Variants in RAD51B observed in about 807,000 individuals in gnomAD.
The protein encoded by RAD51B is DNA repair protein RAD51 homolog 2.
In RAD51B, 38 loss-of-function variants were observed where a neutral mutation model predicts 42.2. The observed-to-expected ratio is 0.90, with a 90% CI of 0.70 to 1.18. The LOEUF is 1.18. RAD51B is among the 50% of genes most tolerant of loss of function. RAD51B has a pLI of 0.00. For missense variants in RAD51B, 373 were observed against 400.7 expected (o/e 0.93, Z 0.59); for synonymous variants, 154 against 145.2 (o/e 1.06, Z -0.43).
intron 11 of RAD51B, among the ~76,000 whole-genome samples, chr14:68,661,771 G>A (rs1178613606): frequency 1.3e-5 from 2 of 152,064 alleles, no homozygotes; most frequent in Admixed American, 6.5e-5. Flanking sequence ...CCCTGGGTGC[G>A]AACATCTCTA....
intron 7 of RAD51B, among the ~76,000 whole-genome samples, chr14:68,200,541 T>G (rs1388047305): frequency 6.6e-6 from 1 of 152,230 alleles, no homozygotes; most frequent in Non-Finnish European, 1.5e-5. Context: ...CTTAATATCC[T>G]CAGAGACCCT....
intron 10 of RAD51B, among the ~76,000 whole-genome samples, chr14:68,566,647 C>T (rs184903256): frequency 3.0e-4 from 46 of 152,300 alleles, no homozygotes; most frequent in African/African-American, 1.0e-3. Context: ...ACCTACCAAG[C>T]TGGGAGAAAC....
chr14:68,157,288 C>A (rs1205089027), intron 7 of RAD51B, among the ~76,000 whole-genome samples: 1 of 152,126 alleles, frequency 6.6e-6, no homozygotes, highest in Non-Finnish European at 1.5e-5. Flanking sequence ...TAAAAGAGTG[C>A]TATTAAAAGT....
At chr14:67,963,953 C>G (rs889195566) in intron 7 of RAD51B, among the ~76,000 whole-genome samples, 1 of 151,668 alleles carries the variant, frequency 6.6e-6, no homozygotes, top group Admixed American at 6.6e-5. Flanking sequence ...ATTTGCCTAA[C>G]TTTTATACAT....
chr14:67,868,498 G>A (rs527815430), intron 5 of RAD51B, among the ~76,000 whole-genome samples: 2 of 152,356 alleles, frequency 1.3e-5, no homozygotes, highest in Non-Finnish European at 2.9e-5. Flanking sequence ...AGGCGGCAGC[G>A]AGGCTCAGGG....
intron 7 of RAD51B, among the ~76,000 whole-genome samples, chr14:68,285,975 A>G (rs973698944): frequency 2.0e-5 from 3 of 152,358 alleles, no homozygotes; most frequent in Admixed American, 2.0e-4. Flanking sequence ...GGTATTTATT[A>G]GCAGAGTCTG....
chr14:68,301,430 T>C (rs1330511158), intron 8 of RAD51B, among the ~76,000 whole-genome samples: 3 of 152,000 alleles, frequency 2.0e-5, no homozygotes, highest in Admixed American at 6.6e-5. Context: ...AAGGGGTGGA[T>C]CCAAGGCCAG....
At chr14:68,663,349 G>T (rs1375609436) in intron 11 of RAD51B, among the ~76,000 whole-genome samples, 1 of 151,930 alleles carries the variant, frequency 6.6e-6, no homozygotes, top group Non-Finnish European at 1.5e-5. Flanking sequence ...GTGGGACAAG[G>T]TCAAGATATT....
chr14:68,181,528 A>G (rs889307732), intron 7 of RAD51B, among the ~76,000 whole-genome samples: 1 of 152,158 alleles, frequency 6.6e-6, no homozygotes, highest in Non-Finnish European at 1.5e-5. Flanking sequence ...AATTGGAGAT[A>G]TTTGTGGTGT....
chr14:68,607,811 G>C (rs1456540914), intron 10 of RAD51B, among the ~76,000 whole-genome samples: 5 of 152,186 alleles, frequency 3.3e-5, no homozygotes, highest in Admixed American at 3.3e-4. Context: ...TGGGGAGGAA[G>C]ACAGGGGCTG....
chr14:68,158,488 CAACT>C (rs1208225395), intron 7 of RAD51B, among the ~76,000 whole-genome samples: 1 of 152,156 alleles, frequency 6.6e-6, no homozygotes, highest in Non-Finnish European at 1.5e-5. Context: ...TAAGCTGAAC[CAACT>C]AAAGAGTGGC....
At chr14:68,233,791 G>A (rs909223031) in intron 7 of RAD51B, among the ~76,000 whole-genome samples, 2 of 152,142 alleles carry the variant, frequency 1.3e-5, no homozygotes, top group Non-Finnish European at 2.9e-5. Context: ...AATGCAAAGA[G>A]GTGTGAAAGA....
chr14:68,652,836 G>A lies in RAD51B; in HGVS notation c.*11+1980G>A, dbSNP rs74063113. ...GGCCATATCCCCTGTAGGAAGTAGG[G>A]CCAGGCCTTGAGTCCTCTGTCCTGC... On this transcript the variant is annotated intron_variant, in intron 11 of 11. Coordinates refer to the RAD51B transcript ENST00000488612. 4.9e-3 allele frequency among the ~76,000 whole-genome samples: 747 copies of A among 152,358 alleles called. 2 individuals carry two copies. Among genetic ancestry groups the A allele is most frequent in the African/African-American group, 0.017 (723 of 41,586 alleles).
chr14:68,299,758 G>A (rs906911882), intron 8 of RAD51B, among the ~76,000 whole-genome samples: 1 of 152,182 alleles, frequency 6.6e-6, no homozygotes, highest in African/African-American at 2.4e-5. Flanking sequence ...AAGCTCTTTT[G>A]TAAGGATACA....
chr14:67,994,672 A>G (rs1469810959), intron 7 of RAD51B, among the ~76,000 whole-genome samples: 2 of 152,152 alleles, frequency 1.3e-5, no homozygotes, highest in East Asian at 1.9e-4. Flanking sequence ...TGCTGCTGCC[A>G]TTTGTCTTTC....
chr14:67,941,185 T>G (rs557100068), intron 7 of RAD51B, among the ~76,000 whole-genome samples: 8 of 152,166 alleles, frequency 5.3e-5, no homozygotes, highest in Admixed American at 5.2e-4. Context: ...TGAGGCAAAA[T>G]CCAAAAAAAC....
intron 7 of RAD51B, among the ~76,000 whole-genome samples, chr14:68,196,563 T>C (rs1017813487): frequency 6.6e-6 from 1 of 152,164 alleles, no homozygotes; most frequent in Non-Finnish European, 1.5e-5. Flanking sequence ...TGGGTCTCTG[T>C]GTAAAAATCA....
At chr14:68,535,008 G>A (rs1887534853) in intron 10 of RAD51B, among the ~76,000 whole-genome samples, 1 of 152,072 alleles carries the variant, frequency 6.6e-6, no homozygotes, top group Non-Finnish European at 1.5e-5. Context: ...GGCACAGAAA[G>A]GTTAAGTAGC....
chr14:68,540,830 C>T (rs1887924145), intron 10 of RAD51B: 7 of 985,016 alleles, frequency 7.1e-6, no homozygotes, highest in South Asian at 4.7e-5. Flanking sequence ...ATGGTGTGTT[C>T]GAGAGAAGGA....
Sources: gnomAD v4.1 joint callset for allele counts (sites outside exome capture counted in the v4.1 genomes callset) on GRCh38, gnomAD v4.1.1 for gene constraint, MANE v1.5 for transcripts, NCBI Gene and HGNC (gene_info 2026-07-23, HGNC 2026-07-21) for gene names.